The following ANKRD36 variants were observed in gnomAD, a reference collection of about 807,000 sequenced individuals.
The protein encoded by ANKRD36 is ankyrin repeat domain-containing protein 36A.
Under a neutral mutation model 278.1 loss-of-function variants are expected in ANKRD36, and 179 were observed. That is an observed-to-expected ratio of 0.64 (90% CI 0.57 to 0.73). The LOEUF is 0.73. Among genes scored for constraint, ANKRD36 ranks in the 30% least tolerant of loss-of-function variants. The pLI is 0.00. For missense variants in ANKRD36, 1,159 were observed against 1,956.7 expected (o/e 0.59, Z 7.69); for synonymous variants, 320 against 641.1 (o/e 0.50, Z 7.57).
chr2:97,167,028 G>C (rs1037292591), intron 20 of ANKRD36, among the ~76,000 whole-genome samples: 1 of 151,920 alleles, frequency 6.6e-6, no homozygotes, highest in African/African-American at 2.4e-5. Context: ...TTTGTTTTAT[G>C]GGAATCTAAT....
chr2:97,219,337 T>G, intron 66 of ANKRD36, 91 bp downstream of exon 66: 2 of 1,312,690 alleles, frequency 1.5e-6, no homozygotes, highest in Non-Finnish European at 2.1e-6. Flanking sequence ...TTATTTCACT[T>G]TTTATATTTT....
intron 60 of ANKRD36, among the ~76,000 whole-genome samples, chr2:97,214,064 C>T (rs1414729750): frequency 6.6e-6 from 1 of 150,928 alleles, no homozygotes; most frequent in African/African-American, 2.4e-5. Context: ...ATGATTTTTC[C>T]CAAGGAAGAG....
rs530416252 is a variant in ANKRD36 at position 97,121,357 on chromosome 2, T to C, written c.487-1530T>C. On this transcript the variant is annotated intron_variant, in intron 3 of 75. Coordinates refer to ENST00000420699, the MANE Select transcript of ANKRD36 (RefSeq NM_001354587.1). ...CATTGCCTCCTAAAAATGCAAGTAATTGGCCGAGCGCAGTGGCTCACGCCT... is the reference window on the plus strand; with the variant it reads ...CATTGCCTCCTAAAAATGCAAGTAACTGGCCGAGCGCAGTGGCTCACGCCT... 5.9e-5 allele frequency among the ~76,000 whole-genome samples: 9 copies of C among 152,210 alleles called. No individual in the cohort carries two copies. In the South Asian group the frequency reaches 8.3e-4, roughly 14 times the overall value.
intron 30 of ANKRD36, 80 bp downstream of exon 30, chr2:97,185,590 G>T (rs1256477635): frequency 6.6e-7 from 1 of 1,507,884 alleles, no homozygotes; most frequent in South Asian, 1.2e-5. Context: ...ATCAGCGGGG[G>T]GCTCGTCAAA....
rs1236139851 is a variant in ANKRD36, at chr2:97,153,819, C to A, written c.1194-856C>A. On this transcript the variant is annotated intron_variant, in intron 14 of 75. Coordinates refer to ENST00000420699, the MANE Select transcript of ANKRD36 (RefSeq NM_001354587.1). Reference sequence around the variant, plus strand: ...CCATGGATCCCTGCTGAAGAGGGATCCAGAAGGGGGAGCCCATAGGAAGGA... The same window carrying A: ...CCATGGATCCCTGCTGAAGAGGGATACAGAAGGGGGAGCCCATAGGAAGGA... Among the ~76,000 whole-genome samples, 11 of 147,284 alleles carry A rather than the reference C, an allele frequency of 7.5e-5. 1 individual carries two copies. Among genetic ancestry groups the A allele is most frequent in the Non-Finnish European group, 3.1e-5 (2 of 65,238 alleles).
intron 6 of ANKRD36, among the ~76,000 whole-genome samples, chr2:97,136,457 C>A (rs1249334479): frequency 6.6e-6 from 1 of 151,062 alleles, no homozygotes; most frequent in Non-Finnish European, 1.5e-5. Context: ...CCTGGGAAAC[C>A]CAACTTGAAG....
At chr2:97,186,791 G>C (rs1413538363) in intron 30 of ANKRD36, among the ~76,000 whole-genome samples, 1 of 151,864 alleles carries the variant, frequency 6.6e-6, no homozygotes, top group African/African-American at 2.4e-5. Flanking sequence ...AATGTTTGCA[G>C]TATAATGGCG....
chr2:97,207,161 G>A lies in ANKRD36; in HGVS notation c.3164-650G>A, dbSNP rs1575941088. 2.6e-5 allele frequency among the ~76,000 whole-genome samples: 4 copies of A among 151,402 alleles called. 1 individual carries two copies. In the East Asian group the frequency reaches 7.8e-4, roughly 30 times the overall value. The stretch of plus-strand genomic sequence containing the variant: ...ATATTATCCTTTGTTGCCATGACTG[G>A]ATGAAGAAACTTTCGGAAGGCTAAA... On this transcript the variant is annotated intron_variant, in intron 52 of 75. Coordinates refer to ENST00000420699, the MANE Select transcript of ANKRD36 (RefSeq NM_001354587.1).
At chr2:97,179,792 G>C in intron 23 of ANKRD36, 26 bp downstream of exon 23, 1 of 1,596,088 alleles carries the variant, frequency 6.3e-7, no homozygotes. Context: ...TTTATATGTT[G>C]AACTATTAAC....
At chr2:97,202,977 C>T (rs1249042281) in intron 48 of ANKRD36, among the ~76,000 whole-genome samples, 1 of 151,766 alleles carries the variant, frequency 6.6e-6, no homozygotes, top group Non-Finnish European at 1.5e-5. Flanking sequence ...TTGATTTTGG[C>T]TGCTGCAGGA....
chr2:97,158,537 G>T lies in ANKRD36; in HGVS notation c.1322-51G>T, dbSNP rs868429396. 111 of 1,524,410 alleles carry T rather than the reference G, an allele frequency of 7.3e-5. 1 individual carries two copies. Among genetic ancestry groups the T allele is most frequent in the South Asian group, 7.2e-4 (60 of 82,948 alleles). The allele number at this position is 1,524,410 out of a possible 1,614,324, so 94.4% of individuals were successfully genotyped here. A position where few individuals can be genotyped will look rare whatever the true frequency, so the allele number is the denominator to read the frequency against. On this transcript the variant is annotated intron_variant, in intron 16 of 75. Transcript: ENST00000420699. Reference sequence around the variant, plus strand: ...CCCCCACACCCGGTTCTTATTTCTTGATTCTTAATTACATGCATTTCATCT... The same window carrying T: ...CCCCCACACCCGGTTCTTATTTCTTTATTCTTAATTACATGCATTTCATCT...
At chr2:97,220,553 A>G (rs533282099) in intron 66 of ANKRD36, among the ~76,000 whole-genome samples, 318 of 151,284 alleles carry the variant, frequency 2.1e-3, no homozygotes, top group Non-Finnish European at 3.3e-3. Flanking sequence ...CATCCATGTC[A>G]TTGCGAATGA....
intron 6 of ANKRD36, among the ~76,000 whole-genome samples, chr2:97,127,657 T>C (rs2038967843): frequency 1.3e-5 from 2 of 151,946 alleles, no homozygotes; most frequent in South Asian, 4.2e-4. Context: ...AAAGAAAGCT[T>C]TTGCAGTAGT....
intron 8 of ANKRD36, among the ~76,000 whole-genome samples, 181 bp from the exon 9 acceptor site, chr2:97,144,337 A>G (rs1559316625): frequency 1.3e-5 from 2 of 152,228 alleles, no homozygotes; most frequent in African/African-American, 4.8e-5. Context: ...CGTGAAGACT[A>G]TACTTCTGTT....
rs1213313973 is a variant in ANKRD36, at chr2:97,202,391, C to G, written c.2957C>G (p.Thr986Arg). The G allele has an allele frequency of 1.3e-6, 2 of 1,549,428 alleles. 1 individual carries two copies. Among genetic ancestry groups the G allele is most frequent in the Admixed American group, 3.9e-5 (2 of 51,206 alleles). ...RENKDGEKSR[T>R]VSSEKPPGLK... ...AACAAGGATGGAGAAAAATCTAGGACAGGTAATTTTGAAAACAGATTTAAT... is the reference window on the plus strand; with the variant it reads ...AACAAGGATGGAGAAAAATCTAGGAGAGGTAATTTTGAAAACAGATTTAAT... Residue 986 changes from threonine (T) to arginine (R), a missense_variant and splice_region_variant, in exon 48 of 76, where the codon ACA becomes AGA. Coordinates refer to ENST00000420699, the MANE Select transcript of ANKRD36 (RefSeq NM_001354587.1).
intron 67 of ANKRD36, among the ~76,000 whole-genome samples, chr2:97,232,508 T>C (rs1454395390): frequency 7.7e-6 from 1 of 129,402 alleles, no homozygotes; most frequent in Non-Finnish European, 1.5e-5. Context: ...AACTACATAA[T>C]AACTCTACAG....
intron 66 of ANKRD36, among the ~76,000 whole-genome samples, chr2:97,221,745 G>A (rs2067761787): frequency 6.7e-6 from 1 of 149,868 alleles, no homozygotes; most frequent in Non-Finnish European, 1.5e-5. Flanking sequence ...TCACTCGGAT[G>A]GTAGTTTCTT....
At chr2:97,201,284 A>T (rs1304976506) in intron 46 of ANKRD36, among the ~76,000 whole-genome samples, 1 of 151,906 alleles carries the variant, frequency 6.6e-6, no homozygotes, top group Non-Finnish European at 1.5e-5. Flanking sequence ...TCAAGGAGCT[A>T]CCTCTTGGAT....
rs763385352 is a variant in ANKRD36, at chr2:97,240,982, G to GTTT, written c.4094-250_4094-248dup. 9.1e-4 allele frequency among the ~76,000 whole-genome samples: 48 copies of GTTT among 53,002 alleles called. 6 individuals are homozygous for GTTT. Among genetic ancestry groups the GTTT allele is most frequent in the East Asian group, 1.8e-3 (2 of 1,130 alleles). The allele number at this position is 53,002 out of a possible 152,430, so 34.8% of individuals were successfully genotyped here. A position where few individuals can be genotyped will look rare whatever the true frequency, so the allele number is the denominator to read the frequency against. On this transcript the variant is annotated intron_variant, in intron 68 of 75. Coordinates refer to ENST00000420699, the MANE Select transcript of ANKRD36 (RefSeq NM_001354587.1). ...TTATCTTATGCAATCACATAACTAT[G>GTTT]TTTTTTTTTTTTTTTTTTTTTTTTT...
Sources: allele counts gnomAD v4.1 joint callset (sites outside exome capture counted in the v4.1 genomes callset), GRCh38; gene constraint gnomAD v4.1.1; transcripts MANE v1.5; gene names NCBI Gene and HGNC (gene_info 2026-07-23, HGNC 2026-07-21).